CCDC102B: variants seen among roughly 807,000 people sequenced by gnomAD.
CCDC102B encodes coiled-coil domain containing 102B, also known as coiled-coil domain-containing protein 102B.
Under a neutral mutation model 57.4 loss-of-function variants are expected in CCDC102B, and 75 were observed. The ratio of observed to expected loss-of-function variants is 1.31; its 90% confidence interval spans 1.08 to 1.58. The LOEUF (loss-of-function observed/expected upper bound fraction) is 1.58, where lower values mean the gene tolerates loss of function less well. Among genes scored for constraint, CCDC102B ranks in the 40% most tolerant of loss-of-function variants. The probability of loss-of-function intolerance (pLI) is 0.00; values close to 1 mark genes in which losing one functional copy is unlikely to be tolerated. For missense variants in CCDC102B, 636 were observed against 582.6 expected, an observed-to-expected ratio of 1.09 and a Z score of -0.94; for synonymous variants, 206 against 201.9, an observed-to-expected ratio of 1.02 and a Z score of -0.17.
chr18:68,724,832 A>G (rs573883282), intron 2 of CCDC102B, among the ~76,000 whole-genome samples: 2 of 152,196 alleles, frequency 1.3e-5, no homozygotes, highest in East Asian at 3.9e-4. Flanking sequence ...CCCAGTTCCA[A>G]TGTCGCTTCC....
At position 69,011,110 on chromosome 18, in the gene CCDC102B, A is replaced by G. The variant is rs776608016; in HGVS notation, c.1434+6A>G. On this transcript the variant is annotated splice_donor_region_variant and intron_variant, in intron 7 of 7. Coordinates refer to ENST00000360242, the MANE Select transcript of CCDC102B (RefSeq NM_024781.3). ...TCAATCAAAAAGAAGATGAGGTACT[A>G]CTTTATGAGTGAACACGTGCTGGAC... 6.2e-6 allele frequency: 10 copies of G among 1,610,662 alleles called. No individual in the cohort carries two copies. In the African/African-American group the frequency reaches 9.4e-5, roughly 15 times the overall value.
intron 6 of CCDC102B, chr18:68,897,703 G>A (rs1031416028): frequency 8.4e-6 from 10 of 1,194,344 alleles, no homozygotes; most frequent in South Asian, 1.3e-5. Context: ...GAACTTTCTG[G>A]TTTTTTGTTT....
intron 6 of CCDC102B, among the ~76,000 whole-genome samples, chr18:68,959,561 C>G (rs1013569232): frequency 6.6e-6 from 1 of 152,102 alleles, no homozygotes; most frequent in African/African-American, 2.4e-5. Context: ...GTTTGCAACT[C>G]TAGCCAGGCT....
chr18:68,831,593 C>T (rs367667461), intron 1 of CCDC102B, among the ~76,000 whole-genome samples: 6 of 151,986 alleles, frequency 3.9e-5, no homozygotes, highest in Non-Finnish European at 7.4e-5. Context: ...CCTGCTTTGG[C>T]GAATTATTTT....
intron 1 of CCDC102B, among the ~76,000 whole-genome samples, chr18:68,836,488 C>T (rs1054305636): frequency 6.6e-6 from 1 of 151,830 alleles, no homozygotes. Flanking sequence ...ATTATCTGGG[C>T]GTGGTTGCGC....
chr18:69,007,482 T>G (rs1361110303), intron 6 of CCDC102B, among the ~76,000 whole-genome samples: 1 of 152,244 alleles, frequency 6.6e-6, no homozygotes, highest in African/African-American at 2.4e-5. Context: ...ATTACACAGC[T>G]AAGTTATATC....
chr18:68,735,804 C>T (rs2077696486), intron 2 of CCDC102B, among the ~76,000 whole-genome samples: 1 of 152,104 alleles, frequency 6.6e-6, no homozygotes, highest in Admixed American at 6.6e-5. Context: ...TTAAAAACAC[C>T]TCATGTTGTA....
intron 2 of CCDC102B, among the ~76,000 whole-genome samples, chr18:68,731,024 G>A (rs1031291179): frequency 1.3e-5 from 2 of 152,080 alleles, no homozygotes; most frequent in Non-Finnish European, 2.9e-5. Context: ...GTTTCACTCT[G>A]TTGCCAGGCT....
At chr18:68,867,494 T>G (rs2144905024) in intron 4 of CCDC102B, among the ~76,000 whole-genome samples, 1 of 152,266 alleles carries the variant, frequency 6.6e-6, no homozygotes, top group African/African-American at 2.4e-5. Flanking sequence ...GGTGAGACTT[T>G]TGGTGCCACT....
At chr18:68,954,752 A>G (rs970662580) in intron 6 of CCDC102B, among the ~76,000 whole-genome samples, 1 of 152,208 alleles carries the variant, frequency 6.6e-6, no homozygotes, top group African/African-American at 2.4e-5. Context: ...ATCTATTTAC[A>G]TGGCATTAAA....
At chr18:68,875,963 C>G (rs1329000161) in intron 5 of CCDC102B, among the ~76,000 whole-genome samples, 1 of 151,912 alleles carries the variant, frequency 6.6e-6, no homozygotes, top group Non-Finnish European at 1.5e-5. Context: ...TTCAAGAGGT[C>G]CATTATGAGA....
intron 6 of CCDC102B, among the ~76,000 whole-genome samples, chr18:68,985,243 A>C (rs1393763057): frequency 6.6e-6 from 1 of 152,206 alleles, no homozygotes; most frequent in East Asian, 1.9e-4. Context: ...ATTTCAGTGT[A>C]ATAGAAGGAA....
chr18:68,812,544 A>G (rs1001954205), intron 1 of CCDC102B, among the ~76,000 whole-genome samples: 2 of 152,214 alleles, frequency 1.3e-5, no homozygotes, highest in Non-Finnish European at 2.9e-5. Context: ...TAGCGTCTCT[A>G]TAGTTTAGAG....
intron 6 of CCDC102B, among the ~76,000 whole-genome samples, chr18:68,928,466 G>A (rs2041552695): frequency 6.6e-6 from 1 of 151,830 alleles, no homozygotes; most frequent in South Asian, 2.1e-4. Context: ...ATGGGATAAG[G>A]CTTGAAAAAC....
At chr18:68,827,891 A>G (rs1013380713) in intron 1 of CCDC102B, among the ~76,000 whole-genome samples, 1 of 152,014 alleles carries the variant, frequency 6.6e-6, no homozygotes, top group South Asian at 2.1e-4. Context: ...TTTTTAAAAA[A>G]TACCTAAGAG....
At chr18:68,864,219 C>G (rs116687992) in intron 4 of CCDC102B, among the ~76,000 whole-genome samples, 103 of 152,094 alleles carry the variant, frequency 6.8e-4, no homozygotes, top group African/African-American at 2.4e-3. Context: ...AAGGAATCAT[C>G]TGTTGCATTA....
chr18:68,874,761 A>G lies in CCDC102B; in HGVS notation c.1029A>G (p.Arg343=). Residue 343 remains arginine, a synonymous_variant, in exon 5 of 8, where the codon AGA becomes AGG. Transcript: ENST00000360242. ...CCAAATCTCAAAACAGCAAAGACAGAGTGATTTGTGAGTTAAGAGCAGAGG... is the reference window on the plus strand; with the variant it reads ...CCAAATCTCAAAACAGCAAAGACAGGGTGATTTGTGAGTTAAGAGCAGAGG... ...EESKSQNSKD[R]VICELRAELE... 6.2e-7 allele frequency: 1 copy of G among 1,608,848 alleles called. No individual in the cohort carries two copies. Among genetic ancestry groups the G allele is most frequent in the Non-Finnish European group, 8.5e-7 (1 of 1,175,572 alleles).
chr18:69,000,979 T>C (rs2051185561), intron 6 of CCDC102B, among the ~76,000 whole-genome samples: 2 of 152,194 alleles, frequency 1.3e-5, no homozygotes, highest in South Asian at 4.1e-4. Context: ...GCTAATCCTT[T>C]CCACTACATA....
chr18:69,034,551 A>G (rs2052235720), intron 7 of CCDC102B, among the ~76,000 whole-genome samples: 2 of 151,966 alleles, frequency 1.3e-5, no homozygotes, highest in Admixed American at 6.6e-5. Flanking sequence ...TTTGGACACA[A>G]TTATATTCCA....
Sources: gnomAD v4.1 joint callset for allele counts (sites outside exome capture counted in the v4.1 genomes callset) on GRCh38, gnomAD v4.1.1 for gene constraint, MANE v1.5 for transcripts, NCBI Gene and HGNC (gene_info 2026-07-23, HGNC 2026-07-21) for gene names.